The following SIK3 variants were observed in gnomAD, a reference collection of about 807,000 sequenced individuals.
SIK3 encodes serine/threonine-protein kinase SIK3.
Under a neutral mutation model 144.2 loss-of-function variants are expected in SIK3, and 28 were observed. The ratio of observed to expected loss-of-function variants is 0.19; its 90% CI spans 0.14 to 0.27. The LOEUF (loss-of-function observed/expected upper bound fraction) is 0.27, where lower values mean the gene tolerates loss of function less well. SIK3 is among the 10% of genes least tolerant of loss of function. The pLI, the probability that SIK3 is intolerant of heterozygous loss-of-function variation, is 1.00. For synonymous variants in SIK3, 686 were observed against 676.3 expected (o/e 1.01, Z -0.22); for missense variants, 1,319 against 1,776.0 (o/e 0.74, Z 4.62).
chr11:116,873,389 T>C lies in SIK3; in HGVS notation c.1737+92A>G. ...TTTGGAGAAAAAGGAAATTCAGACA[T>C]GTAGGTTGGCCCTGGGTTCCCAACC... On this transcript the variant is annotated intron_variant, in intron 13 of 24. Coordinates refer to ENST00000445177, the MANE Select transcript of SIK3 (RefSeq NM_001366686.3). 5 of 1,542,346 alleles carry C rather than the reference T, an allele frequency of 3.2e-6. No homozygotes were observed. In the Admixed American group the frequency reaches 6.8e-5, roughly 21 times the overall value.
At chr11:116,895,478 C>T (rs1381073842) in intron 6 of SIK3, among the ~76,000 whole-genome samples, 1 of 152,218 alleles carries the variant, frequency 6.6e-6, no homozygotes, top group Non-Finnish European at 1.5e-5. Context: ...CAAGGTTCAC[C>T]TCTTTGTTCT....
chr11:117,081,752 T>C (rs550938507), intron 1 of SIK3, among the ~76,000 whole-genome samples: 7 of 152,280 alleles, frequency 4.6e-5, no homozygotes, highest in Admixed American at 3.3e-4. Flanking sequence ...ATAAAACATA[T>C]AGTTTCAGAG....
At chr11:116,872,711 T>A (rs897372263) in intron 13 of SIK3, among the ~76,000 whole-genome samples, 2 of 152,260 alleles carry the variant, frequency 1.3e-5, no homozygotes, top group Admixed American at 1.3e-4. Flanking sequence ...TGTGTTTAAA[T>A]TTTCACTGTT....
intron 10 of SIK3, 49 bp downstream of exon 10, chr11:116,875,325 T>A (rs368682337): frequency 1.2e-4 from 188 of 1,613,054 alleles, no homozygotes; most frequent in Non-Finnish European, 1.5e-4. Context: ...AGCAAGGATA[T>A]GGCAAAGAAA....
At chr11:116,930,759 G>A (rs1947559517) in intron 3 of SIK3, among the ~76,000 whole-genome samples, 1 of 151,914 alleles carries the variant, frequency 6.6e-6, no homozygotes. Context: ...CCTAGCTAGA[G>A]TCCTGCCCCC....
At chr11:117,076,260 A>C (rs1264451461) in intron 1 of SIK3, among the ~76,000 whole-genome samples, 1 of 152,090 alleles carries the variant, frequency 6.6e-6, no homozygotes, top group Non-Finnish European at 1.5e-5. Flanking sequence ...ATCCATTCCA[A>C]TGCTAACTTT....
chr11:116,989,286 T>C (rs895071361), intron 1 of SIK3, among the ~76,000 whole-genome samples: 1 of 152,182 alleles, frequency 6.6e-6, no homozygotes, highest in African/African-American at 2.4e-5. Flanking sequence ...GTAAGGTCTT[T>C]TAAAATGCAA....
chr11:117,063,910 T>C (rs1701153683), intron 1 of SIK3, among the ~76,000 whole-genome samples: 1 of 152,124 alleles, frequency 6.6e-6, no homozygotes, highest in Non-Finnish European at 1.5e-5. Context: ...AAGACAAACC[T>C]TGTTGGTAAT....
intron 1 of SIK3, among the ~76,000 whole-genome samples, chr11:116,969,411 A>T (rs900404781): frequency 3.9e-5 from 6 of 152,054 alleles, no homozygotes; most frequent in Non-Finnish European, 5.9e-5. Flanking sequence ...AGATGAGAAA[A>T]TGAAAATGTA....
chr11:117,087,286 T>TA (rs1227111733), intron 1 of SIK3, among the ~76,000 whole-genome samples: 3 of 151,736 alleles, frequency 2.0e-5, no homozygotes, highest in African/African-American at 7.3e-5. Flanking sequence ...CTACTAAAAA[T>TA]ACAAAAATTA....
At chr11:117,047,487 A>G (rs1953023308) in intron 1 of SIK3, among the ~76,000 whole-genome samples, 1 of 152,178 alleles carries the variant, frequency 6.6e-6, no homozygotes. Context: ...AAACAAGTCA[A>G]TTTCAGGAAA....
At chr11:116,914,546 C>G (rs1025402469) in intron 4 of SIK3, among the ~76,000 whole-genome samples, 1 of 152,106 alleles carries the variant, frequency 6.6e-6, no homozygotes, top group African/African-American at 2.4e-5. Context: ...ATTCTCAGTA[C>G]AAGGTGAACA....
At chr11:116,851,053 A>G (rs1942389388) in intron 21 of SIK3, among the ~76,000 whole-genome samples, 1 of 152,228 alleles carries the variant, frequency 6.6e-6, no homozygotes, top group Admixed American at 6.5e-5. Context: ...ATGGGTTACT[A>G]TCCTGTCAGA....
intron 3 of SIK3, among the ~76,000 whole-genome samples, chr11:116,952,785 T>C (rs1331296099): frequency 1.3e-5 from 2 of 152,150 alleles, no homozygotes; most frequent in Non-Finnish European, 2.9e-5. Context: ...CTTAATTGAG[T>C]CAGCATCTCC....
chr11:116,983,008 CTAT>C (rs1455152830), intron 1 of SIK3, among the ~76,000 whole-genome samples: 1 of 144,670 alleles, frequency 6.9e-6, no homozygotes, highest in African/African-American at 2.5e-5. Flanking sequence ...ATCTAATCTA[CTAT>C]ATTACTGAAA....
intron 1 of SIK3, among the ~76,000 whole-genome samples, chr11:117,093,013 T>A (rs1396091457): frequency 6.6e-6 from 1 of 152,188 alleles, no homozygotes; most frequent in Non-Finnish European, 1.5e-5. Context: ...TCTCAATCAG[T>A]CTTAGCTCTT....
At chr11:117,051,892 C>T (rs1008223855) in intron 1 of SIK3, among the ~76,000 whole-genome samples, 3 of 151,786 alleles carry the variant, frequency 2.0e-5, no homozygotes, top group Admixed American at 6.6e-5. Flanking sequence ...GCCTGTAATC[C>T]CAGCACTTTG....
At chr11:117,019,286 C>T (rs1951666803) in intron 1 of SIK3, among the ~76,000 whole-genome samples, 2 of 152,114 alleles carry the variant, frequency 1.3e-5, no homozygotes, top group African/African-American at 4.8e-5. Context: ...TCCCAAAGTG[C>T]CAGGATTACA....
At chr11:117,081,542 T>G (rs953359307) in intron 1 of SIK3, among the ~76,000 whole-genome samples, 1 of 152,174 alleles carries the variant, frequency 6.6e-6, no homozygotes, top group African/African-American at 2.4e-5. Context: ...GAGAATGGCA[T>G]GAACCTGGGA....
Sources: allele counts gnomAD v4.1 joint callset (sites outside exome capture counted in the v4.1 genomes callset), GRCh38; gene constraint gnomAD v4.1.1; transcripts MANE v1.5; gene names NCBI Gene and HGNC (gene_info 2026-07-23, HGNC 2026-07-21).